Variants in DENND4A observed in about 807,000 individuals in gnomAD.
DENND4A encodes DENN domain containing 4A.
In DENND4A, 70 loss-of-function variants were observed where a neutral mutation model predicts 199.3. The observed-to-expected ratio is 0.35, with a 90% CI of 0.29 to 0.43. The LOEUF (loss-of-function observed/expected upper bound fraction) is 0.43. Ranked by LOEUF, DENND4A falls within the 20% of genes least tolerant of loss-of-function variation. DENND4A has a pLI of 1.00. For missense variants in DENND4A, 1,723 were observed against 2,255.8 expected (o/e 0.76, Z 4.78); for synonymous variants, 686 against 766.9 (o/e 0.89, Z 1.74).
chr15:65,791,136 C>T (rs1355391530), intron 1 of DENND4A, among the ~76,000 whole-genome samples: 2 of 152,190 alleles, frequency 1.3e-5, no homozygotes, highest in East Asian at 3.8e-4. Flanking sequence ...AGCTGGCTGA[C>T]ACGCGTTTTC....
At chr15:65,689,261 T>C (rs1449972919) in intron 23 of DENND4A, among the ~76,000 whole-genome samples, 1 of 152,224 alleles carries the variant, frequency 6.6e-6, no homozygotes, top group Admixed American at 6.5e-5. Flanking sequence ...GAACATATTA[T>C]AATTATTTCA....
chr15:65,765,569 C>A (rs2140817004), intron 1 of DENND4A, among the ~76,000 whole-genome samples: 1 of 152,328 alleles, frequency 6.6e-6, no homozygotes, highest in South Asian at 2.1e-4. Context: ...ATACAATTCA[C>A]CTGTCTCATC....
At chr15:65,782,169 G>A (rs1029263196) in intron 1 of DENND4A, among the ~76,000 whole-genome samples, 2 of 152,178 alleles carry the variant, frequency 1.3e-5, no homozygotes, top group Admixed American at 1.3e-4. Context: ...TATAGTAAGT[G>A]TTACAGGCCC....
intron 10 of DENND4A, 126 bp downstream of exon 10, chr15:65,729,408 G>C (rs2075896412): frequency 2.1e-6 from 3 of 1,414,644 alleles, no homozygotes; most frequent in Non-Finnish European, 2.9e-6. Flanking sequence ...AATCAAAACT[G>C]CTTTCAAAAA....
At chr15:65,755,644 T>C (rs1185192640) in intron 3 of DENND4A, among the ~76,000 whole-genome samples, 3 of 152,120 alleles carry the variant, frequency 2.0e-5, no homozygotes, top group African/African-American at 7.2e-5. Context: ...CGTGTATCTA[T>C]AGTCCCAGCT....
intron 14 of DENND4A, among the ~76,000 whole-genome samples, chr15:65,706,822 A>G (rs891144690): frequency 2.0e-5 from 3 of 152,146 alleles, no homozygotes; most frequent in Admixed American, 6.5e-5. Flanking sequence ...TTACATAAAG[A>G]AATACTAGAA....
At chr15:65,700,920 T>G in intron 19 of DENND4A, 131 bp downstream of exon 19, 1 of 1,053,566 alleles carries the variant, frequency 9.5e-7, no homozygotes, top group Non-Finnish European at 1.3e-6. Context: ...ATGGGAAGAG[T>G]AATATAATTT....
intron 32 of DENND4A, among the ~76,000 whole-genome samples, chr15:65,663,030 T>C (rs189171588): frequency 5.3e-5 from 8 of 152,222 alleles, no homozygotes; most frequent in Non-Finnish European, 8.8e-5. Context: ...TGTTTCACCA[T>C]AGTTAAAAGG....
intron 14 of DENND4A, among the ~76,000 whole-genome samples, chr15:65,710,660 G>A (rs1450380249): frequency 6.6e-6 from 1 of 152,110 alleles, no homozygotes; most frequent in Admixed American, 6.5e-5. Context: ...TCTATTTATT[G>A]CCAATATTTA....
At chr15:65,731,345 A>G (rs1320884913) in intron 9 of DENND4A, 2 of 434,258 alleles carry the variant, frequency 4.6e-6, no homozygotes, top group Non-Finnish European at 9.0e-6. Flanking sequence ...TCAGAGGTTA[A>G]TTAAAGCTAA....
intron 7 of DENND4A, among the ~76,000 whole-genome samples, chr15:65,736,357 T>C (rs1596558151): frequency 6.6e-6 from 1 of 151,974 alleles, no homozygotes; most frequent in African/African-American, 2.4e-5. Flanking sequence ...CTCCCAGGTT[T>C]AAGCAATTCT....
At chr15:65,691,629 C>T (rs2076972884) in intron 22 of DENND4A, 118 bp from the exon 23 acceptor site, 3 of 998,206 alleles carry the variant, frequency 3.0e-6, no homozygotes, top group Non-Finnish European at 4.3e-6. Flanking sequence ...TGAGTGTCTG[C>T]TATTTGACAG....
chr15:65,714,295 C>G (rs887303283), intron 14 of DENND4A, among the ~76,000 whole-genome samples: 1 of 151,950 alleles, frequency 6.6e-6, no homozygotes, highest in Non-Finnish European at 1.5e-5. Context: ...TGCCTGTAGT[C>G]CCAGCTACTC....
intron 3 of DENND4A, 79 bp from the exon 4 acceptor site, chr15:65,752,707 T>A: frequency 1.1e-6 from 1 of 896,520 alleles, no homozygotes; most frequent in Non-Finnish European, 1.6e-6. Flanking sequence ...CATCAACTGA[T>A]CCTTAAATGT....
chr15:65,752,080 T>G (rs1456133500), intron 4 of DENND4A, among the ~76,000 whole-genome samples: 1 of 109,128 alleles, frequency 9.2e-6, no homozygotes, highest in Non-Finnish European at 1.7e-5. Context: ...CGTTGAGGTG[T>G]GGGATCTAGT....
At position 65,752,357 on chromosome 15, in the gene DENND4A, CCAGTGCAAGTAAGT is replaced by C; in HGVS notation, c.561+8_561+21del. 1 of 1,328,264 alleles carries C rather than the reference CCAGTGCAAGTAAGT, an allele frequency of 7.5e-7. No individual in the cohort carries two copies. Among genetic ancestry groups the C allele is most frequent in the Non-Finnish European group, 9.9e-7 (1 of 1,005,662 alleles). The allele number at this position is 1,328,264 out of a possible 1,614,324, so 82.3% of individuals were successfully genotyped here. ...CTCTTTTCATCAGTGGTTAATGTTA[CCAGTGCAAGTAAGT>C]CACTTACCATACTGTTATTGAGATT... On this transcript the variant is annotated splice_region_variant and intron_variant, in intron 4 of 32. Coordinates refer to ENST00000443035, the MANE Select transcript of DENND4A (RefSeq NM_001320835.1).
intron 14 of DENND4A, among the ~76,000 whole-genome samples, chr15:65,710,482 G>A (rs1402449553): frequency 6.6e-6 from 1 of 152,086 alleles, no homozygotes; most frequent in African/African-American, 2.4e-5. Flanking sequence ...TGTTCGTAAG[G>A]GAAGCTCAGT....
intron 1 of DENND4A, among the ~76,000 whole-genome samples, chr15:65,766,171 A>C (rs1325364655): frequency 1.3e-5 from 2 of 151,352 alleles, no homozygotes; most frequent in African/African-American, 4.9e-5. Flanking sequence ...GAATCACTTG[A>C]ACCTGGGAAG....
chr15:65,747,488 T>C (rs7181333), intron 4 of DENND4A, among the ~76,000 whole-genome samples: 85,280 of 151,994 alleles, frequency 0.56, 26,393 homozygotes, highest in African/African-American at 0.83. Context: ...CAGCCAGTAA[T>C]GGTCAGAGAT....
Sources: gnomAD v4.1 joint callset for allele counts (sites outside exome capture counted in the v4.1 genomes callset) on GRCh38, gnomAD v4.1.1 for gene constraint, MANE v1.5 for transcripts, NCBI Gene and HGNC (gene_info 2026-07-23, HGNC 2026-07-21) for gene names.